LGI2: variants seen among roughly 807,000 people sequenced by gnomAD.
LGI2 encodes leucine rich repeat LGI family member 2.
Under a neutral mutation model 52.0 loss-of-function variants are expected in LGI2, and 30 were observed. That is an observed-to-expected ratio of 0.58 (90% CI 0.43 to 0.78). LGI2 has a LOEUF of 0.78. Among genes scored for constraint, LGI2 ranks in the 30% least tolerant of loss-of-function variants. The pLI is 0.00. For missense variants in LGI2, 573 were observed against 692.5 expected (o/e 0.83, Z 1.94); for synonymous variants, 270 against 271.8 (o/e 0.99, Z 0.06).
At chr4:24,992,849 A>G in the LGI2 span, among the ~76,000 whole-genome samples, 1 of 152,156 alleles carries the variant, frequency 6.6e-6, no homozygotes, top group African/African-American at 2.4e-5. Context: ...GGGATTACAG[A>G]ACAAAACATG....
Position 25,003,529 on chromosome 4 carries a change from C to T in LGI2, c.1560G>A (p.Arg520=). 1 of 1,611,570 alleles carries T rather than the reference C, an allele frequency of 6.2e-7. No homozygotes were observed. Among genetic ancestry groups the T allele is most frequent in the Non-Finnish European group, 8.5e-7 (1 of 1,179,524 alleles). Residue 520 remains arginine, a synonymous_variant, in exon 8 of 8, where the codon AGG becomes AGA. Transcript: ENST00000382114. ...PRSFTAVSTD[R]RDFFFASSFK... Reference sequence around the variant, plus strand: ...AACTGGATGCAAAAAAGAAATCTCTCCTGTCGGTGGAGACAGCTGTGAATG... The same window carrying T: ...AACTGGATGCAAAAAAGAAATCTCTTCTGTCGGTGGAGACAGCTGTGAATG...
At chr4:25,024,581 T>C (rs1224759043) in intron 4 of LGI2, among the ~76,000 whole-genome samples, 1 of 152,236 alleles carries the variant, frequency 6.6e-6, no homozygotes, top group Middle Eastern at 3.2e-3. Flanking sequence ...AGGATGCTCC[T>C]TAATTCCCAC....
chr4:25,021,314 G>T (rs1355726536), intron 4 of LGI2, among the ~76,000 whole-genome samples: 1 of 152,186 alleles, frequency 6.6e-6, no homozygotes, highest in Admixed American at 6.5e-5. Context: ...TCATGGGACT[G>T]CTGGAAACAA....
chr4:25,009,235 CG>C (rs377154167), intron 7 of LGI2, among the ~76,000 whole-genome samples: 12 of 152,306 alleles, frequency 7.9e-5, no homozygotes, highest in African/African-American at 2.9e-4. Flanking sequence ...TGCAACTCCC[CG>C]CTGGCTCATT....
rs1726166881 is a variant in LGI2 at position 25,026,871 on chromosome 4, T to C, written c.338A>G (p.Tyr113Cys). 6.2e-7 allele frequency: 1 copy of C among 1,610,144 alleles called. No homozygotes were observed. Among genetic ancestry groups the C allele is most frequent in the Non-Finnish European group, 8.5e-7 (1 of 1,176,368 alleles). Reference sequence around the variant, plus strand: ...ATAGACAAAGCACAAAACTTACAGGTATTCAAGATGAAAAAGTCCAGCAAA... The same window carrying C: ...ATAGACAAAGCACAAAACTTACAGGCATTCAAGATGAAAAAGTCCAGCAAA... ...DAFAGLFHLE[Y>C]LFIEGNKIET... Residue 113 changes from tyrosine (Y) to cysteine (C), a missense_variant, in exon 3 of 8, where the codon TAC becomes TGC. Physicochemically the swap from Tyr to Cys is radical, Grantham distance 194. Coordinates refer to ENST00000382114, the MANE Select transcript of LGI2 (RefSeq NM_018176.4).
intron 6 of LGI2, among the ~76,000 whole-genome samples, chr4:25,014,189 T>G (rs1725674777): frequency 6.6e-6 from 1 of 152,098 alleles, no homozygotes; most frequent in African/African-American, 2.4e-5. Flanking sequence ...CCCATTAGCC[T>G]CCCTACTGCA....
In LGI2 at chr4:24,999,616, T is replaced by A; in HGVS notation, c.*3835A>T. The A allele has an allele frequency of 3.1e-6, 1 of 319,454 alleles. No individual in the cohort carries two copies. The highest frequency in any genetic ancestry group is 2.5e-5 in the South Asian group (1 of 40,072). The allele number at this position is 319,454 out of a possible 1,614,324, so 19.8% of individuals were successfully genotyped here. ...AATCAGGAAGCCAGCTTAAGAGGTT[T>A]TCTTTAGGTGGCATGCAAATAGACT... On this transcript the variant is annotated 3_prime_UTR_variant, in exon 8 of 8. Transcript: ENST00000382114.
intron 6 of LGI2, among the ~76,000 whole-genome samples, chr4:25,017,029 G>A (rs1408451308): frequency 6.6e-6 from 1 of 152,190 alleles, no homozygotes; most frequent in South Asian, 2.1e-4. Context: ...GAGGCAGTTA[G>A]TATTTTGGTT....
chr4:25,025,078 G>T (rs1430201054), intron 3 of LGI2, among the ~76,000 whole-genome samples, 187 bp from the exon 4 acceptor site: 1 of 152,202 alleles, frequency 6.6e-6, no homozygotes, highest in Non-Finnish European at 1.5e-5. Flanking sequence ...GCGTGCACGG[G>T]AGTGTGTGGT....
intron 4 of LGI2, among the ~76,000 whole-genome samples, chr4:25,020,985 G>A (rs1167022821): frequency 6.6e-6 from 1 of 151,770 alleles, no homozygotes; most frequent in African/African-American, 2.4e-5. Flanking sequence ...CTGGTCGATG[G>A]TCACTTTTTC....
intron 6 of LGI2, among the ~76,000 whole-genome samples, chr4:25,017,061 G>T (rs765634251): frequency 6.6e-6 from 1 of 152,200 alleles, no homozygotes; most frequent in East Asian, 1.9e-4. Flanking sequence ...CCTGAAAAAT[G>T]TATAAACTGA....
intron 1 of LGI2, among the ~76,000 whole-genome samples, chr4:25,029,827 C>T (rs920348177): frequency 6.6e-6 from 1 of 152,262 alleles, no homozygotes; most frequent in Non-Finnish European, 1.5e-5. Flanking sequence ...GCTAGGCGCC[C>T]AACATGCCCC....
rs151209012 is a variant in LGI2, at chr4:25,004,234, G to A, written c.855C>T (p.Ile285=). 3.7e-5 allele frequency: 59 copies of A among 1,613,956 alleles called. No homozygotes were observed. Among genetic ancestry groups the A allele is most frequent in the Non-Finnish European group, 4.4e-5 (52 of 1,179,968 alleles). The change falls in exon 8 of 8, where the codon ATC becomes ATT. Residue 285 remains isoleucine, a synonymous_variant. Coordinates refer to ENST00000382114, the MANE Select transcript of LGI2 (RefSeq NM_018176.4). The surrounding 1 kb of genome is among the most constrained non-coding windows in gnomAD (Gnocchi z 4.6). ...CTACCACCACAAAGACCTGATCATC[G>A]ATGAGAATGGCCTTACAGCCCACGA... ...QSIVGCKAIL[I]DDQVFVVVAQ...
In LGI2 at chr4:25,000,556, A is replaced by G. The variant is rs1280933867; in HGVS notation, c.*2895T>C. 6.6e-6 allele frequency: 1 copy of G among 152,276 alleles called. No homozygotes were observed. 9.4% of individuals were successfully genotyped at this position (152,276 alleles called of 1,614,324 possible). On this transcript the variant is annotated 3_prime_UTR_variant, in exon 8 of 8. Coordinates refer to ENST00000382114, the MANE Select transcript of LGI2 (RefSeq NM_018176.4). ...AAGAGTTATTTTTAGAGTCTTGATA[A>G]TAGACCCATTCCCGACCCCATGGAG...
At chr4:25,020,976 T>C (rs1001574477) in intron 4 of LGI2, among the ~76,000 whole-genome samples, 11 of 152,302 alleles carry the variant, frequency 7.2e-5, no homozygotes, top group African/African-American at 2.4e-4. Context: ...TTTTCTTTCC[T>C]GGTCGATGGT....
At position 25,024,803 on chromosome 4, in the gene LGI2, C is replaced by A. The variant is rs754831284; in HGVS notation, c.413+17G>T. The A allele has an allele frequency of 2.6e-6, 4 of 1,568,366 alleles. No homozygotes were observed. The African/African-American group carries it at 5.5e-5, about 22-fold the overall frequency. The stretch of plus-strand genomic sequence containing the variant: ...TCCACATATTAGAGGACTTACAATA[C>A]TTTTCATAGGACTTACAGGTGAGTC... On this transcript the variant is annotated intron_variant, in intron 4 of 7. Coordinates refer to ENST00000382114, the MANE Select transcript of LGI2 (RefSeq NM_018176.4).
chr4:25,004,004 T>A lies in LGI2; in HGVS notation c.1085A>T (p.Tyr362Phe). Residue 362 changes from tyrosine (Y) to phenylalanine (F), a missense_variant, in exon 8 of 8, where the codon TAT becomes TTT. Coordinates refer to ENST00000382114, the MANE Select transcript of LGI2 (RefSeq NM_018176.4). The surrounding 1 kb of genome is among the most constrained non-coding windows in gnomAD (Gnocchi z 4.6). ...CCACTCGTGCAGTGACTGGTAAGAA[T>A]AGAATCCTTTGCTGTTCCATTTATA... ...TVYKWNSKGF[Y>F]SYQSLHEWFR... 1 of 1,614,196 alleles carries A rather than the reference T, an allele frequency of 6.2e-7. No individual in the cohort carries two copies.
In LGI2 at chr4:25,003,465, C is replaced by G; in HGVS notation, c.1624G>C (p.Asp542His). ...CCACCACACCTTCACAAACTTAAGT[C>G]AACAATTATATGTTCAAAAATCTTT... ...KTKIFEHIIVDLSL is the reference protein window; with the variant it reads ...KTKIFEHIIVHLSL Residue 542 changes from aspartate (D) to histidine (H), a missense_variant, in exon 8 of 8, where the codon GAC becomes CAC. Asp to His is a moderately conservative substitution (Grantham distance 81, BLOSUM62 -1). Transcript: ENST00000382114. 6.3e-7 allele frequency: 1 copy of G among 1,583,642 alleles called. No homozygotes were observed. Among genetic ancestry groups the G allele is most frequent in the Non-Finnish European group, 8.6e-7 (1 of 1,168,114 alleles).
chr4:25,021,201 C>T (rs1278831583), intron 4 of LGI2, among the ~76,000 whole-genome samples: 1 of 152,070 alleles, frequency 6.6e-6, no homozygotes, highest in African/African-American at 2.4e-5. Flanking sequence ...TTATCCCACT[C>T]ACACTAAGTG....
Sources: gnomAD v4.1 joint callset for allele counts (sites outside exome capture counted in the v4.1 genomes callset) on GRCh38, gnomAD v4.1.1 for gene constraint, Gnocchi (gnomAD v3.1) non-coding constraint, MANE v1.5 for transcripts, NCBI Gene and HGNC (gene_info 2026-07-23, HGNC 2026-07-21) for gene names.